The following PCDH11X variants were observed in gnomAD, a reference collection of about 807,000 sequenced individuals.
PCDH11X encodes protocadherin 11 X-linked, also known as protocadherin-11 X-linked.
In PCDH11X, 18 loss-of-function variants were observed where a neutral mutation model predicts 53.3. The ratio of observed to expected loss-of-function variants is 0.34; its 90% CI spans 0.23 to 0.50. PCDH11X has a LOEUF of 0.50. Among genes scored for constraint, PCDH11X ranks in the 20% least tolerant of loss-of-function variants. The pLI, the probability that PCDH11X is intolerant of heterozygous loss-of-function variation, is 0.98. For synonymous variants in PCDH11X, 279 were observed against 393.3 expected (o/e 0.71, Z 3.44); for missense variants, 570 against 1,032.4 (o/e 0.55, Z 6.14).
chrX:92,527,718 T>C (rs189773560), intron 10 of PCDH11X, among the ~76,000 whole-genome samples: 49 of 111,650 alleles, frequency 4.4e-4, no homozygotes, highest in African/African-American at 1.5e-3. Flanking sequence ...ATTCTCCTAT[T>C]TAAAAATCCT....
intron 6 of PCDH11X, among the ~76,000 whole-genome samples, chrX:91,945,113 ATATACT>A (rs1284507166): frequency 1.4e-4 from 14 of 100,777 alleles, no homozygotes; most frequent in South Asian, 4.6e-4. Context: ...TACAGTGGAA[ATATACT>A]TATACTTAAA....
rs1337074937 is a variant in PCDH11X at position 91,835,913 on chromosome X, C to G, written c.409C>G (p.Pro137Ala). ...GATAGAAGATATAAATGATAATGCACCATTGTTCCCAGCAACAGTTATCAA... is the reference window on the plus strand; with the variant it reads ...GATAGAAGATATAAATGATAATGCAGCATTGTTCCCAGCAACAGTTATCAA... ...FLIEDINDNA[P>A]LFPATVINIS... is the part of the protein sequence containing the mutation. Residue 137 changes from proline (P) to alanine (A), a missense_variant, in exon 5 of 11, where the codon CCA becomes GCA. Pro to Ala is a conservative substitution (Grantham distance 27). This residue lies in a region of PCDH11X where 84 missense variants were observed against 142.0 expected (regional missense o/e 0.59). Coordinates refer to ENST00000682573, the MANE Select transcript of PCDH11X (RefSeq NM_032968.5). The G allele has an allele frequency of 8.3e-7, 1 of 1,205,204 alleles. No homozygotes were observed. Among genetic ancestry groups the G allele is most frequent in the Non-Finnish European group, 1.1e-6 (1 of 893,020 alleles).
At chrX:92,044,619 GT>G (rs748856844) in intron 6 of PCDH11X, among the ~76,000 whole-genome samples, 1 of 91,318 alleles carries the variant, frequency 1.1e-5, no homozygotes, top group Non-Finnish European at 2.1e-5. Flanking sequence ...ATTTCATGGG[GT>G]TTTTTGTTGT....
intron 6 of PCDH11X, among the ~76,000 whole-genome samples, chrX:92,144,048 T>C (rs1395379395): frequency 8.9e-6 from 1 of 111,865 alleles, no homozygotes; most frequent in Non-Finnish European, 1.9e-5. Flanking sequence ...TGTAGCCCCC[T>C]TTTTTTAGAT....
chrX:91,926,102 A>ACG (rs1478066685), intron 6 of PCDH11X, among the ~76,000 whole-genome samples: 2 of 104,795 alleles, frequency 1.9e-5, no homozygotes, highest in Middle Eastern at 4.3e-3. Context: ...ACACACACAC[A>ACG]CACACACACA....
At chrX:91,860,267 T>C (rs1186759516) in intron 5 of PCDH11X, among the ~76,000 whole-genome samples, 3 of 106,944 alleles carry the variant, frequency 2.8e-5, no homozygotes, top group African/African-American at 1.0e-4. Context: ...GCTCTCTGCT[T>C]ATCTGTTGTT....
chrX:92,326,639 T>TATATATAATATATATATATATATATAG (rs758088746), intron 8 of PCDH11X, among the ~76,000 whole-genome samples: 3 of 39,315 alleles, frequency 7.6e-5, no homozygotes, highest in Non-Finnish European at 1.1e-4. Flanking sequence ...TATATATATA[T>TATATATAATATATATATATATATATAG]AGAGAGAGAG....
chrX:92,440,402 A>G (rs2072487704), intron 9 of PCDH11X, among the ~76,000 whole-genome samples: 1 of 109,682 alleles, frequency 9.1e-6, no homozygotes, highest in Non-Finnish European at 1.9e-5. Context: ...AAGTAAGAAC[A>G]TGTGGTGATA....
chrX:92,514,869 A>T (rs113085888), intron 10 of PCDH11X, among the ~76,000 whole-genome samples: 5,180 of 107,885 alleles, frequency 0.048, 312 homozygotes, highest in African/African-American at 0.16. Flanking sequence ...AACACAGTGA[A>T]ACCCCATCCC....
chrX:92,071,224 G>C (rs2063697788), intron 6 of PCDH11X, among the ~76,000 whole-genome samples: 1 of 110,525 alleles, frequency 9.0e-6, no homozygotes, highest in African/African-American at 3.3e-5. Context: ...TAAATAACCT[G>C]TCTTCAAGCT....
chrX:92,094,900 G>A (rs2064110416), intron 6 of PCDH11X, among the ~76,000 whole-genome samples: 1 of 111,625 alleles, frequency 9.0e-6, no homozygotes, highest in Non-Finnish European at 1.9e-5. Flanking sequence ...TAATTTGAAT[G>A]TTTATGATGT....
At chrX:92,491,208 G>T (rs2073758723) in intron 10 of PCDH11X, among the ~76,000 whole-genome samples, 2 of 110,791 alleles carry the variant, frequency 1.8e-5, no homozygotes. Context: ...GTTTAAAAGG[G>T]AAAGAGGAGG....
At chrX:92,567,768 C>G (rs1444794784) in intron 10 of PCDH11X, among the ~76,000 whole-genome samples, 1 of 105,051 alleles carries the variant, frequency 9.5e-6, no homozygotes, top group Admixed American at 1.1e-4. Flanking sequence ...TTGGTTTGTT[C>G]TCACTTATAC....
chrX:92,025,295 A>G (rs1193394158), intron 6 of PCDH11X, among the ~76,000 whole-genome samples: 5 of 110,158 alleles, frequency 4.5e-5, no homozygotes, highest in Admixed American at 3.9e-4. Context: ...AAAAAACCAA[A>G]CAACCCCATC....
intron 6 of PCDH11X, among the ~76,000 whole-genome samples, chrX:91,952,974 T>G (rs1325968353): frequency 9.0e-6 from 1 of 110,626 alleles, no homozygotes; most frequent in African/African-American, 3.3e-5. Context: ...ATGTTCTCAT[T>G]TATTTGTGGG....
intron 9 of PCDH11X, among the ~76,000 whole-genome samples, chrX:92,448,695 G>A (rs1226611523): frequency 9.5e-5 from 10 of 105,791 alleles, no homozygotes; most frequent in Non-Finnish European, 1.6e-4. Flanking sequence ...GAGCATATAC[G>A]CCACCAAGAA....
chrX:92,435,984 A>T (rs1200334277), intron 9 of PCDH11X, among the ~76,000 whole-genome samples: 1 of 109,817 alleles, frequency 9.1e-6, no homozygotes, highest in Admixed American at 9.8e-5. Flanking sequence ...CTTAAAAGGC[A>T]CTGAGTGACA....
intron 8 of PCDH11X, among the ~76,000 whole-genome samples, chrX:92,327,023 A>G (rs888380567): frequency 1.0e-4 from 11 of 109,248 alleles, no homozygotes; most frequent in African/African-American, 3.7e-4. Flanking sequence ...ATATATTGTC[A>G]GCTAATAATT....
chrX:92,409,661 A>G (rs1385684506), intron 9 of PCDH11X, among the ~76,000 whole-genome samples: 1 of 112,270 alleles, frequency 8.9e-6, no homozygotes, highest in African/African-American at 3.2e-5. Context: ...CTTGTGGTTT[A>G]TAAAATTGCA....
Sources: gnomAD v4.1 joint callset for allele counts (sites outside exome capture counted in the v4.1 genomes callset) on GRCh38, gnomAD v4.1.1 for gene constraint, gnomAD v4.1.1 regional missense constraint, MANE v1.5 for transcripts, NCBI Gene and HGNC (gene_info 2026-07-23, HGNC 2026-07-21) for gene names.